Variants in FHL5 observed in about 807,000 individuals in gnomAD.
The protein encoded by FHL5 is four and a half LIM domains protein 5.
Under a neutral mutation model 32.0 loss-of-function variants are expected in FHL5, and 33 were observed. The observed-to-expected ratio is 1.03, with a 90% CI of 0.78 to 1.38. The LOEUF is 1.38. Among genes scored for constraint, FHL5 ranks in the 40% most tolerant of loss-of-function variants. The pLI is 0.00. For synonymous variants in FHL5, 114 were observed against 113.6 expected, an observed-to-expected ratio of 1.00 and a Z score of -0.02; for missense variants, 336 against 343.9, an observed-to-expected ratio of 0.98 and a Z score of 0.18.
chr6:96,586,007 G>A (rs1269579575), intron 1 of FHL5, among the ~76,000 whole-genome samples: 1 of 152,120 alleles, frequency 6.6e-6, no homozygotes, highest in East Asian at 1.9e-4. Context: ...AACGGGAAGA[G>A]AAACGAGAGG....
At chr6:96,595,912 A>G (rs1250991158) in intron 1 of FHL5, among the ~76,000 whole-genome samples, 3 of 151,992 alleles carry the variant, frequency 2.0e-5, no homozygotes, top group South Asian at 4.1e-4. Flanking sequence ...TGGTGATCCA[A>G]GTATTTTCTT....
chr6:96,574,793 C>A (rs1562052473), intron 1 of FHL5, among the ~76,000 whole-genome samples: 1 of 152,032 alleles, frequency 6.6e-6, no homozygotes, highest in African/African-American at 2.4e-5. Flanking sequence ...ACTTTATAAA[C>A]CATAATTTCT....
At chr6:96,588,933 T>TA (rs1305196979) in intron 1 of FHL5, among the ~76,000 whole-genome samples, 4 of 152,048 alleles carry the variant, frequency 2.6e-5, no homozygotes, top group African/African-American at 7.2e-5. Context: ...TCATATTTTT[T>TA]AAAAAAATTT....
chr6:96,569,827 CTT>C (rs574224340), intron 1 of FHL5, among the ~76,000 whole-genome samples: 5 of 110,968 alleles, frequency 4.5e-5, no homozygotes, highest in Non-Finnish European at 4.2e-5. Context: ...ATACTTAGGT[CTT>C]TTTTTTTTTT....
chr6:96,567,539 T>G (rs1770382694), intron 1 of FHL5, among the ~76,000 whole-genome samples: 1 of 151,980 alleles, frequency 6.6e-6, no homozygotes, highest in Non-Finnish European at 1.5e-5. Context: ...ACTGGTATTT[T>G]GATAACATTG....
At chr6:96,598,383 G>T (rs1272685029) in intron 1 of FHL5, among the ~76,000 whole-genome samples, 1 of 152,198 alleles carries the variant, frequency 6.6e-6, no homozygotes, top group Admixed American at 6.5e-5. Flanking sequence ...GAGGATCCAG[G>T]AAATGCCTTT....
At chr6:96,602,116 C>G (rs927764942) in intron 1 of FHL5, among the ~76,000 whole-genome samples, 1 of 152,154 alleles carries the variant, frequency 6.6e-6, no homozygotes, top group Non-Finnish European at 1.5e-5. Flanking sequence ...CAGCAAGGCT[C>G]TCTGCTGGGA....
At chr6:96,592,768 A>T (rs1452418384) in intron 1 of FHL5, among the ~76,000 whole-genome samples, 6 of 152,204 alleles carry the variant, frequency 3.9e-5, no homozygotes, top group Non-Finnish European at 8.8e-5. Flanking sequence ...GGCTTCAGCC[A>T]GTCCCTCCGT....
intron 2 of FHL5, 27 bp from the exon 3 acceptor site, chr6:96,604,723 A>G (rs1771232394): frequency 6.3e-7 from 1 of 1,577,524 alleles, no homozygotes; most frequent in Non-Finnish European, 8.6e-7. Flanking sequence ...AACCACATTT[A>G]ATTAACTTTT....
chr6:96,606,682 A>T (rs1771288875), intron 4 of FHL5, among the ~76,000 whole-genome samples: 1 of 152,144 alleles, frequency 6.6e-6, no homozygotes, highest in African/African-American at 2.4e-5. Context: ...GATCTCACGT[A>T]TTCTGGGAGA....
intron 1 of FHL5, among the ~76,000 whole-genome samples, chr6:96,591,146 AT>A (rs1410616307): frequency 6.6e-6 from 1 of 152,036 alleles, no homozygotes; most frequent in Non-Finnish European, 1.5e-5. Flanking sequence ...TTTGTGTGAG[AT>A]TGCTGTTATT....
chr6:96,567,181 A>G (rs1188310511), intron 1 of FHL5, among the ~76,000 whole-genome samples: 2 of 151,850 alleles, frequency 1.3e-5, no homozygotes, highest in Non-Finnish European at 2.9e-5. Context: ...GTGAGGTAGA[A>G]ATACAGTTTC....
chr6:96,614,357 T>C (rs1463375845), intron 5 of FHL5, among the ~76,000 whole-genome samples: 1 of 152,186 alleles, frequency 6.6e-6, no homozygotes, highest in African/African-American at 2.4e-5. Context: ...TTAATTTACA[T>C]TTATTAGGAA....
At chr6:96,586,936 T>A (rs1770811529) in intron 1 of FHL5, among the ~76,000 whole-genome samples, 1 of 152,156 alleles carries the variant, frequency 6.6e-6, no homozygotes. Context: ...AGAACTGTGA[T>A]AAGAGATGAA....
intron 1 of FHL5, among the ~76,000 whole-genome samples, chr6:96,567,825 C>CTTTTTTTTTTTTTTTTTTTT (rs757441385): frequency 1.8e-5 from 2 of 110,518 alleles, no homozygotes; most frequent in Non-Finnish European, 3.7e-5. Context: ...TTTTTGTATT[C>CTTTTTTTTTTTTTTTTTTTT]TTTTTTTTTT....
chr6:96,597,183 C>A (rs1771052752), intron 1 of FHL5, among the ~76,000 whole-genome samples: 1 of 151,728 alleles, frequency 6.6e-6, no homozygotes, highest in Non-Finnish European at 1.5e-5. Context: ...CTGCAACTCT[C>A]TCTTTATATA....
chr6:96,610,428 G>T (rs1359899272), intron 4 of FHL5, 144 bp from the exon 5 acceptor site: 2 of 625,634 alleles, frequency 3.2e-6, no homozygotes, highest in East Asian at 5.2e-5. Flanking sequence ...AGCACCAGTT[G>T]TGGCATAGAA....
At chr6:96,607,721 G>A (rs1454570440) in intron 4 of FHL5, among the ~76,000 whole-genome samples, 2 of 151,936 alleles carry the variant, frequency 1.3e-5, no homozygotes, top group Non-Finnish European at 2.9e-5. Flanking sequence ...GGTGGCTCAC[G>A]TCTGTAATCC....
intron 1 of FHL5, among the ~76,000 whole-genome samples, chr6:96,595,336 A>C (rs981967063): frequency 2.0e-5 from 3 of 151,410 alleles, no homozygotes; most frequent in African/African-American, 7.3e-5. Flanking sequence ...TGCATATCTA[A>C]TTGTTGGTGT....
Sources: allele counts gnomAD v4.1 joint callset (sites outside exome capture counted in the v4.1 genomes callset), GRCh38; gene constraint gnomAD v4.1.1; transcripts MANE v1.5; gene names NCBI Gene and HGNC (gene_info 2026-07-23, HGNC 2026-07-21).